PLPPR5: variants seen among roughly 807,000 people sequenced by gnomAD.
PLPPR5 encodes phospholipid phosphatase-related protein type 5.
Under a neutral mutation model 33.9 loss-of-function variants are expected in PLPPR5, and 16 were observed. That is an observed-to-expected ratio of 0.47 (90% confidence interval 0.32 to 0.72). The LOEUF is 0.72. Among genes scored for constraint, PLPPR5 ranks in the 30% least tolerant of loss-of-function variants. The pLI is 0.03. For synonymous variants in PLPPR5, 163 were observed against 150.3 expected (o/e 1.08, Z -0.62); for missense variants, 301 against 406.7 (o/e 0.74, Z 2.23).
Position 98,969,509 on chromosome 1 carries a change from T to C in PLPPR5, c.238-12768A>G, listed in dbSNP as rs181024524. Among the ~76,000 whole-genome samples, 418 of 152,136 alleles carry C rather than the reference T, an allele frequency of 2.7e-3. 1 individual carries two copies. Among genetic ancestry groups the C allele is most frequent in the Middle Eastern group, 0.01 (3 of 294 alleles). ...GAGATTTATGCGCAGCAGAAGTGGC[T>C]AGGGGAGGATATAAGGATTTACCTG... On this transcript the variant is annotated intron_variant, in intron 1 of 5. Transcript: ENST00000263177.
intron 5 of PLPPR5, among the ~76,000 whole-genome samples, chr1:98,911,466 T>A (rs1346242649): frequency 6.6e-6 from 1 of 152,192 alleles, no homozygotes; most frequent in Non-Finnish European, 1.5e-5. Flanking sequence ...TTTTTGCTTT[T>A]ACTGTCTAAT....
At chr1:98,900,709 T>C (rs1648666518) in intron 5 of PLPPR5, among the ~76,000 whole-genome samples, 1 of 152,164 alleles carries the variant, frequency 6.6e-6, no homozygotes, top group Non-Finnish European at 1.5e-5. Flanking sequence ...AACCTAACAC[T>C]ACTTGACAGA....
intron 5 of PLPPR5, among the ~76,000 whole-genome samples, chr1:98,897,247 A>G (rs772982065): frequency 3.9e-5 from 6 of 151,914 alleles, no homozygotes; most frequent in Non-Finnish European, 7.4e-5. Flanking sequence ...GCTCCAGCGC[A>G]CATACGTTTA....
At chr1:98,928,570 T>TATATATATATATATATATATATAG (rs1205843679) in intron 3 of PLPPR5, among the ~76,000 whole-genome samples, 1 of 143,148 alleles carries the variant, frequency 7.0e-6, no homozygotes, top group African/African-American at 2.5e-5. Flanking sequence ...TATATATATA[T>TATATATATATATATATATATATAG]ATGGTTCACT....
intron 3 of PLPPR5, among the ~76,000 whole-genome samples, chr1:98,941,357 G>A (rs1416523899): frequency 2.6e-5 from 4 of 151,814 alleles, no homozygotes; most frequent in Non-Finnish European, 5.9e-5. Context: ...GATAAGATCT[G>A]GGGGATGAGG....
chr1:98,920,591 A>G (rs2497751), intron 4 of PLPPR5, among the ~76,000 whole-genome samples: 1 of 142,638 alleles, frequency 7.0e-6, no homozygotes, highest in Non-Finnish European at 1.5e-5. Context: ...GAGTGGTATC[A>G]CCAAAAAAAA....
chr1:98,942,141 G>T (rs1650397360), intron 3 of PLPPR5, among the ~76,000 whole-genome samples: 1 of 147,684 alleles, frequency 6.8e-6, no homozygotes, highest in African/African-American at 2.4e-5. Context: ...GCGCAATCTC[G>T]GCTCACTGCA....
chr1:99,004,476 C>CG lies in PLPPR5; in HGVS notation c.195dup (p.Val66ArgfsTer33), dbSNP rs1481324917. ...CCGGCGGCCAGCGAGTAGAGGAGCA[C>CG]GGGGGGCACGGCGCTGCTGTCCTCC... On this transcript the variant is annotated frameshift_variant, in exon 1 of 6. Transcript: ENST00000263177. LOFTEE classifies it high-confidence loss of function. 1 of 1,611,786 alleles carries CG rather than the reference C, an allele frequency of 6.2e-7. No homozygotes were observed. Among genetic ancestry groups the CG allele is most frequent in the Non-Finnish European group, 8.5e-7 (1 of 1,179,278 alleles).
intron 3 of PLPPR5, among the ~76,000 whole-genome samples, chr1:98,930,261 A>G (rs1553167845): frequency 6.6e-6 from 1 of 152,228 alleles, no homozygotes; most frequent in Non-Finnish European, 1.5e-5. Context: ...TAACAATAAA[A>G]GCATATTTCA....
At chr1:98,949,156 A>C (rs1279106851) in intron 3 of PLPPR5, among the ~76,000 whole-genome samples, 3 of 152,200 alleles carry the variant, frequency 2.0e-5, no homozygotes, top group African/African-American at 7.2e-5. Flanking sequence ...AAATTTAAAC[A>C]TTCTAATGTC....
Position 98,933,711 on chromosome 1 carries a change from A to T in PLPPR5, c.622-11653T>A, listed in dbSNP as rs148485500. Among the ~76,000 whole-genome samples the T allele has an allele frequency of 6.6e-5, 10 of 152,242 alleles. 1 individual carries two copies. In the East Asian group the frequency reaches 1.9e-3, roughly 29 times the overall value. On this transcript the variant is annotated intron_variant, in intron 3 of 5. Coordinates refer to ENST00000263177, the MANE Select transcript of PLPPR5 (RefSeq NM_001037317.2). ...CTGAGAAACTACTGAAAACATACTGACCATTCAAATAGCCAGAGAATGTTG... is the reference window on the plus strand; with the variant it reads ...CTGAGAAACTACTGAAAACATACTGTCCATTCAAATAGCCAGAGAATGTTG...
intron 4 of PLPPR5, among the ~76,000 whole-genome samples, chr1:98,918,392 G>A (rs962005090): frequency 3.3e-5 from 5 of 152,134 alleles, no homozygotes; most frequent in African/African-American, 1.2e-4. Flanking sequence ...ATGATAACAT[G>A]ACAAACTATT....
chr1:98,914,783 C>T lies in PLPPR5; in HGVS notation c.933+3G>A, dbSNP rs1229313723. 2 of 1,604,688 alleles carry T rather than the reference C, an allele frequency of 1.2e-6. No individual in the cohort carries two copies. The highest frequency in any genetic ancestry group is 2.2e-5 in the South Asian group (2 of 89,336). ...ATAATTTAGAATTTAAATTGTGAGT[C>T]ACCTGTACAGATGTTACCTTTTCCA... On this transcript the variant is annotated splice_donor_region_variant and intron_variant, in intron 5 of 5. Coordinates refer to ENST00000263177, the MANE Select transcript of PLPPR5 (RefSeq NM_001037317.2).
intron 3 of PLPPR5, among the ~76,000 whole-genome samples, chr1:98,926,966 G>A (rs1009756438): frequency 2.0e-5 from 3 of 152,148 alleles, no homozygotes; most frequent in Admixed American, 6.5e-5. Context: ...CAATGTAAAG[G>A]TGTCTGATGG....
chr1:98,936,571 T>C (rs938129646), intron 3 of PLPPR5, among the ~76,000 whole-genome samples: 1 of 152,216 alleles, frequency 6.6e-6, no homozygotes, highest in Non-Finnish European at 1.5e-5. Context: ...TGGGATTGCT[T>C]AAAAGTTTTC....
chr1:98,911,923 C>A, intron 5 of PLPPR5, among the ~76,000 whole-genome samples: 1 of 152,022 alleles, frequency 6.6e-6, no homozygotes, highest in East Asian at 1.9e-4. Context: ...CCGCACCTGG[C>A]TAATTTTTAT....
chr1:98,912,202 C>T (rs1026363886), intron 5 of PLPPR5, among the ~76,000 whole-genome samples: 1 of 152,198 alleles, frequency 6.6e-6, no homozygotes. Context: ...TTTTTCTCAG[C>T]TGCTTATCAA....
intron 5 of PLPPR5, among the ~76,000 whole-genome samples, chr1:98,909,395 T>C (rs916785394): frequency 1.3e-5 from 2 of 151,746 alleles, no homozygotes; most frequent in Admixed American, 1.3e-4. Context: ...AGATGGTATT[T>C]CGCATAATTG....
intron 2 of PLPPR5, among the ~76,000 whole-genome samples, chr1:98,953,894 A>C (rs373607889): frequency 2.0e-5 from 3 of 152,160 alleles, no homozygotes; most frequent in Non-Finnish European, 4.4e-5. Context: ...TAATCTCTAC[A>C]TTGCCTTCAG....
Sources: allele counts gnomAD v4.1 joint callset (sites outside exome capture counted in the v4.1 genomes callset), GRCh38; gene constraint gnomAD v4.1.1; transcripts MANE v1.5; gene names NCBI Gene and HGNC (gene_info 2026-07-23, HGNC 2026-07-21).